SLC8A1: variants seen among roughly 807,000 people sequenced by gnomAD.
The protein encoded by SLC8A1 is solute carrier family 8 member A1, also known as sodium/calcium exchanger 1.
In SLC8A1, 18 loss-of-function variants were observed where a neutral mutation model predicts 68.3. The ratio of observed to expected loss-of-function variants is 0.26; its 90% CI spans 0.18 to 0.39. SLC8A1 has a LOEUF of 0.39. Among genes scored for constraint, SLC8A1 ranks in the 10% least tolerant of loss-of-function variants. The probability of loss-of-function intolerance (pLI) is 1.00; values close to 1 mark genes in which losing one functional copy is unlikely to be tolerated. For missense variants in SLC8A1, 985 were observed against 1,156.7 expected, an observed-to-expected ratio of 0.85 and a Z score of 2.15; for synonymous variants, 475 against 415.5, an observed-to-expected ratio of 1.14 and a Z score of -1.74.
chr2:40,483,902 CCA>C (rs1025543830), intron 1 of SLC8A1, among the ~76,000 whole-genome samples: 2 of 152,100 alleles, frequency 1.3e-5, no homozygotes, highest in African/African-American at 4.8e-5. Context: ...TTGCTTATCT[CCA>C]GATTGTGATC....
chr2:40,252,183 G>C (rs1264534674), intron 2 of SLC8A1, among the ~76,000 whole-genome samples: 1 of 152,156 alleles, frequency 6.6e-6, no homozygotes, highest in Admixed American at 6.5e-5. Flanking sequence ...TTTACAGGTG[G>C]CTGAAGTGAA....
chr2:40,393,679 G>C (rs989371653), intron 2 of SLC8A1, among the ~76,000 whole-genome samples: 2 of 152,048 alleles, frequency 1.3e-5, no homozygotes, highest in Non-Finnish European at 2.9e-5. Flanking sequence ...AAAAAATAAA[G>C]AATTGGAATA....
At chr2:40,444,639 C>T (rs1338429163) in intron 1 of SLC8A1, among the ~76,000 whole-genome samples, 2 of 152,118 alleles carry the variant, frequency 1.3e-5, no homozygotes, top group African/African-American at 2.4e-5. Flanking sequence ...CCTACCTGTT[C>T]TCGTAAGGCG....
chr2:40,285,091 G>T (rs1272621088), intron 2 of SLC8A1, among the ~76,000 whole-genome samples: 1 of 152,106 alleles, frequency 6.6e-6, no homozygotes, highest in Admixed American at 6.6e-5. Context: ...TGGCAGCATT[G>T]CTTCCTTCAA....
intron 2 of SLC8A1, among the ~76,000 whole-genome samples, chr2:40,245,724 C>T (rs7602176): frequency 0.54 from 81,997 of 151,660 alleles, 24,114 homozygotes; most frequent in Non-Finnish European, 0.68. Context: ...CTATCTGCTG[C>T]TCTCCTGTGA....
intron 2 of SLC8A1, among the ~76,000 whole-genome samples, chr2:40,320,036 G>A (rs1451894846): frequency 6.6e-6 from 1 of 152,014 alleles, no homozygotes; most frequent in African/African-American, 2.4e-5. Context: ...CAAATGCCAA[G>A]GGCACAACAA....
At chr2:40,415,691 AG>A (rs1347008383) in intron 2 of SLC8A1, among the ~76,000 whole-genome samples, 1 of 152,070 alleles carries the variant, frequency 6.6e-6, no homozygotes, top group African/African-American at 2.4e-5. Context: ...TTGTCTCCAA[AG>A]AAAAGCAATC....
chr2:40,506,858 C>G (rs2149942719), intron 1 of SLC8A1, among the ~76,000 whole-genome samples: 1 of 152,084 alleles, frequency 6.6e-6, no homozygotes, highest in East Asian at 1.9e-4. Context: ...AGAAGGTGGA[C>G]ATGACCTCTA....
chr2:40,273,345 G>A (rs1188441793), intron 2 of SLC8A1, among the ~76,000 whole-genome samples: 1 of 151,472 alleles, frequency 6.6e-6, no homozygotes, highest in East Asian at 1.9e-4. Flanking sequence ...CACCCGCCTC[G>A]GCTTCCCAAA....
At chr2:40,108,822 C>T (rs183829270) in exon 8 of SLC8A1, 171 of 152,190 alleles carry the variant, frequency 1.1e-3, no homozygotes, top group African/African-American at 4.0e-3. Flanking sequence ...AGTATGTGAT[C>T]TTCACATTAG....
chr2:40,222,324 C>CGCGGAAAACTGGCTAGCCATAT (rs1558822234), intron 2 of SLC8A1, among the ~76,000 whole-genome samples: 1 of 152,006 alleles, frequency 6.6e-6, no homozygotes, highest in African/African-American at 2.4e-5. Context: ...GCTAGCCATA[C>CGCGGAAAACTGGCTAGCCATAT]GCAGAAAACT....
chr2:40,476,196 GC>G (rs984868616), intron 1 of SLC8A1, among the ~76,000 whole-genome samples: 2 of 152,014 alleles, frequency 1.3e-5, no homozygotes, highest in Admixed American at 1.3e-4. Flanking sequence ...TATCTAATTT[GC>G]AACAACCAAT....
At chr2:40,290,804 A>G (rs2149229531) in intron 2 of SLC8A1, among the ~76,000 whole-genome samples, 1 of 152,280 alleles carries the variant, frequency 6.6e-6, no homozygotes, top group South Asian at 2.1e-4. Flanking sequence ...CTATATGCAT[A>G]TCCCATATGG....
chr2:40,307,146 T>TATACACACACACACAC (rs1553490522), intron 2 of SLC8A1, among the ~76,000 whole-genome samples: 1 of 148,172 alleles, frequency 6.7e-6, no homozygotes, highest in African/African-American at 2.5e-5. Flanking sequence ...AAATGTGATA[T>TATACACACACACACAC]ACACACACAC....
At chr2:40,378,216 C>G (rs192498738) in intron 2 of SLC8A1, among the ~76,000 whole-genome samples, 1 of 152,118 alleles carries the variant, frequency 6.6e-6, no homozygotes, top group Admixed American at 6.6e-5. Context: ...CAGGGGGAAA[C>G]AGTATATGGA....
At chr2:40,102,830 T>G (rs964154489) in exon 8 of SLC8A1, 1 of 152,138 alleles carries the variant, frequency 6.6e-6, no homozygotes. Context: ...AAATTCAACG[T>G]GAGGGATTTA....
intron 7 of SLC8A1, chr2:40,118,280 C>G (rs2035940689): frequency 6.6e-6 from 1 of 152,264 alleles, no homozygotes; most frequent in African/African-American, 2.4e-5. Context: ...ATTGCCCCTT[C>G]CAGGAAGCCT....
intron 2 of SLC8A1, among the ~76,000 whole-genome samples, chr2:40,236,444 AT>A (rs2060383752): frequency 1.3e-5 from 2 of 151,856 alleles, no homozygotes; most frequent in East Asian, 3.9e-4. Context: ...TTTGTTTTCC[AT>A]TTGTTTGGCA....
chr2:40,166,979 C>G (rs1027729896), intron 4 of SLC8A1, among the ~76,000 whole-genome samples: 10 of 152,144 alleles, frequency 6.6e-5, no homozygotes, highest in African/African-American at 2.4e-4. Flanking sequence ...AAATGACAAG[C>G]TGCTTTTAAT....
Sources: allele counts gnomAD v4.1 joint callset (sites outside exome capture counted in the v4.1 genomes callset), GRCh38; gene constraint gnomAD v4.1.1; transcripts MANE v1.5; gene names NCBI Gene and HGNC (gene_info 2026-07-23, HGNC 2026-07-21).